The following CREB5 variants were observed in gnomAD, a reference collection of about 807,000 sequenced individuals.
CREB5 encodes the protein cyclic AMP-responsive element-binding protein 5.
A neutral mutation model predicts 57.1 loss-of-function variants in CREB5; 19 were observed. That is an observed-to-expected ratio of 0.33 (90% CI 0.23 to 0.49). The LOEUF (loss-of-function observed/expected upper bound fraction) is 0.49, where lower values mean the gene tolerates loss of function less well. CREB5 is among the 20% of genes least tolerant of loss of function. CREB5 has a pLI of 0.99. For missense variants in CREB5, 579 were observed against 671.6 expected (o/e 0.86, Z 1.52); for synonymous variants, 238 against 238.3 (o/e 1.00, Z 0.01).
chr7:28,345,378 C>A (rs1562667048), intron 1 of CREB5, among the ~76,000 whole-genome samples: 4 of 151,836 alleles, frequency 2.6e-5, no homozygotes, highest in Non-Finnish European at 4.4e-5. Context: ...TTGTTTCCAA[C>A]CACAATGATA....
intron 8 of CREB5, among the ~76,000 whole-genome samples, chr7:28,805,728 T>TC (rs1333750451): frequency 1.3e-5 from 2 of 151,764 alleles, no homozygotes; most frequent in African/African-American, 4.9e-5. Flanking sequence ...TAACCTTAAT[T>TC]TTTTTCCTGC....
At chr7:28,687,050 G>T (rs1030694471) in intron 5 of CREB5, among the ~76,000 whole-genome samples, 2 of 152,136 alleles carry the variant, frequency 1.3e-5, no homozygotes, top group Non-Finnish European at 2.9e-5. Context: ...TGTGTTGTAT[G>T]AAAAGTGAAT....
At chr7:28,636,766 C>T (rs1231204618) in intron 5 of CREB5, among the ~76,000 whole-genome samples, 1 of 152,108 alleles carries the variant, frequency 6.6e-6, no homozygotes, top group African/African-American at 2.4e-5. Flanking sequence ...CTTACCATAC[C>T]TGCCTTAGTT....
intron 5 of CREB5, among the ~76,000 whole-genome samples, chr7:28,572,494 C>T (rs1368611108): frequency 6.6e-6 from 1 of 152,122 alleles, no homozygotes; most frequent in Non-Finnish European, 1.5e-5. Flanking sequence ...CACAGTTATG[C>T]CAGCTAATTA....
At chr7:28,507,775 G>A (rs780441733) in intron 4 of CREB5, 38 bp downstream of exon 4, 102 of 1,562,286 alleles carry the variant, frequency 6.5e-5, no homozygotes, top group Admixed American at 3.2e-4. Flanking sequence ...GAGGTGTCCT[G>A]CTAGAAACTT....
intron 5 of CREB5, among the ~76,000 whole-genome samples, chr7:28,590,478 T>A (rs1042070959): frequency 7.9e-6 from 1 of 127,376 alleles, no homozygotes; most frequent in African/African-American, 3.0e-5. Flanking sequence ...AATTGAACAA[T>A]GAGAACACTT....
intron 4 of CREB5, among the ~76,000 whole-genome samples, chr7:28,515,551 C>G (rs902232125): frequency 2.0e-5 from 3 of 152,150 alleles, no homozygotes; most frequent in Non-Finnish European, 2.9e-5. Flanking sequence ...ATACCCAGGG[C>G]TTTCCCATAC....
intron 1 of CREB5, among the ~76,000 whole-genome samples, chr7:28,324,504 T>C (rs1359003313): frequency 6.6e-6 from 1 of 152,204 alleles, no homozygotes; most frequent in East Asian, 1.9e-4. Context: ...CACATACTCC[T>C]GGTTTTTCTC....
At chr7:28,560,995 CCTGCGTGTGCGTGTGTGTGTGCGTGT>C (rs1433241067) in intron 4 of CREB5, among the ~76,000 whole-genome samples, 25 of 27,340 alleles carry the variant, frequency 9.1e-4, no homozygotes, top group African/African-American at 2.2e-3. Context: ...CGTGTGTGTG[CCTGCGTGTGCGTGTGTGTGTGCGTGT>C]GTGCGTGTGT....
chr7:28,483,531 G>T (rs6978994), intron 1 of CREB5, among the ~76,000 whole-genome samples: 35,498 of 151,972 alleles, frequency 0.23, 4,746 homozygotes, highest in African/African-American at 0.37. Context: ...GACTGTTGAT[G>T]CTGAATTTTG....
At chr7:28,684,005 T>TG (rs147723193) in intron 5 of CREB5, among the ~76,000 whole-genome samples, 9,666 of 152,034 alleles carry the variant, frequency 0.064, 423 homozygotes, top group Middle Eastern at 0.13. Flanking sequence ...AGGGGAGATT[T>TG]GGGGGGTAGG....
rs941708049 is a variant in CREB5 at position 28,694,074 on chromosome 7, G to A, written c.465-24679G>A. Among the ~76,000 whole-genome samples the A allele has an allele frequency of 3.3e-5, 5 of 152,182 alleles. 1 individual carries two copies. Among genetic ancestry groups the A allele is most frequent in the African/African-American group, 9.6e-5 (4 of 41,520 alleles). ...CAAAAGAGCAGGGTCTTTTTTCACCGCTTTTTGTTAAGTAGTAGATTTCTT... is the reference window on the plus strand; with the variant it reads ...CAAAAGAGCAGGGTCTTTTTTCACCACTTTTTGTTAAGTAGTAGATTTCTT... On this transcript the variant is annotated intron_variant, in intron 5 of 10. Transcript: ENST00000357727.
chr7:28,627,274 A>G (rs1442262315), intron 5 of CREB5, among the ~76,000 whole-genome samples: 1 of 152,234 alleles, frequency 6.6e-6, no homozygotes, highest in East Asian at 1.9e-4. Context: ...ATTTAAGATC[A>G]CCTCGAATTT....
intron 5 of CREB5, among the ~76,000 whole-genome samples, chr7:28,710,919 A>G (rs1802369939): frequency 6.6e-6 from 1 of 152,196 alleles, no homozygotes; most frequent in Non-Finnish European, 1.5e-5. Context: ...AGCACTCGAG[A>G]AAGGGCTCCA....
chr7:28,718,554 T>C (rs1291044047), intron 5 of CREB5, among the ~76,000 whole-genome samples, 199 bp from the exon 6 acceptor site: 1 of 152,210 alleles, frequency 6.6e-6, no homozygotes, highest in Non-Finnish European at 1.5e-5. Context: ...ATTTGATATA[T>C]TAACTAGGAA....
intron 1 of CREB5, among the ~76,000 whole-genome samples, chr7:28,308,015 A>G (rs1480965400): frequency 6.6e-6 from 1 of 152,180 alleles, no homozygotes; most frequent in Non-Finnish European, 1.5e-5. Flanking sequence ...GGCCCTGAAG[A>G]TAATTCAGGG....
chr7:28,813,799 TA>T (rs1394340574), intron 9 of CREB5, among the ~76,000 whole-genome samples: 1 of 152,178 alleles, frequency 6.6e-6, no homozygotes, highest in Admixed American at 6.5e-5. Flanking sequence ...ACTATGGGTT[TA>T]AAAATAGATC....
chr7:28,572,527 A>G (rs1223221056), intron 5 of CREB5, among the ~76,000 whole-genome samples: 3 of 152,210 alleles, frequency 2.0e-5, no homozygotes, highest in African/African-American at 7.2e-5. Flanking sequence ...TTTTCTTTCA[A>G]GGGGAAAAAA....
At chr7:28,323,406 C>T (rs768385089) in intron 1 of CREB5, among the ~76,000 whole-genome samples, 7 of 152,210 alleles carry the variant, frequency 4.6e-5, no homozygotes, top group Non-Finnish European at 7.4e-5. Context: ...TGGGACCCTG[C>T]TTCATTCTTC....
Sources: gnomAD v4.1 joint callset for allele counts (sites outside exome capture counted in the v4.1 genomes callset) on GRCh38, gnomAD v4.1.1 for gene constraint, MANE v1.5 for transcripts, NCBI Gene and HGNC (gene_info 2026-07-23, HGNC 2026-07-21) for gene names.